The following PHF23 variants were observed in gnomAD, a reference collection of about 807,000 sequenced individuals.
PHF23 encodes the protein PDH-containing protein JUNE-1.
In PHF23, 3 loss-of-function variants were observed where a neutral mutation model predicts 36.0. The ratio of observed to expected loss-of-function variants is 0.08; its 90% confidence interval spans 0.04 to 0.22. PHF23 has a LOEUF of 0.22. Ranked by LOEUF, PHF23 falls within the 10% of genes least tolerant of loss-of-function variation. The pLI is 1.00. For synonymous variants in PHF23, 242 were observed against 192.5 expected (o/e 1.26, Z -2.13); for missense variants, 475 against 513.6 (o/e 0.92, Z 0.73).
At chr17:7,239,034 C>T in intron 1 of PHF23, 1 of 1,396,520 alleles carries the variant, frequency 7.2e-7, no homozygotes, top group Non-Finnish European at 9.5e-7. Context: ...CCCGCACCCC[C>T]ACACCGTCTG....
Position 7,239,427 on chromosome 17 carries a change from G to A in PHF23, c.-148C>T, listed in dbSNP as rs2142997322. 4.2e-6 allele frequency: 2 copies of A among 477,452 alleles called. No homozygotes were observed. The highest frequency in any genetic ancestry group is 2.0e-5 in the African/African-American group (1 of 48,820). The allele number at this position is 477,452 out of a possible 1,614,324, so 29.6% of individuals were successfully genotyped here. A position where few individuals can be genotyped will look rare whatever the true frequency, so the allele number is the denominator to read the frequency against. Reference sequence around the variant, plus strand: ...AGACTCGAGTCCGCTAGCCGCTGCCGCCACCTCCCTCTACCACTGCCTCCC... The same window carrying A: ...AGACTCGAGTCCGCTAGCCGCTGCCACCACCTCCCTCTACCACTGCCTCCC... On this transcript the variant is annotated 5_prime_UTR_variant, in exon 1 of 5. Coordinates refer to ENST00000320316, the MANE Select transcript of PHF23 (RefSeq NM_024297.3).
Position 7,236,180 on chromosome 17 carries a change from CTCT to C in PHF23, c.744_746del (p.Glu261del). The C allele has an allele frequency of 1.2e-6, 2 of 1,611,914 alleles. No individual in the cohort carries two copies. The highest frequency in any genetic ancestry group is 1.7e-6 in the Non-Finnish European group (2 of 1,178,834). On this transcript the variant is annotated inframe_deletion, in exon 4 of 5. Coordinates refer to ENST00000320316, the MANE Select transcript of PHF23 (RefSeq NM_024297.3). The surrounding 1 kb of genome is among the most constrained non-coding windows in gnomAD (Gnocchi z 5.1). ...CTTCCTCTTCCTCCTCTTCCTCCTC[CTCT>C]TCAGAGTCTGTATCACTGGGGGGTG... is the stretch of plus-strand genomic sequence containing the variant.
rs1163742390 is a variant in PHF23 at position 7,235,604 on chromosome 17, T to C, written c.*22A>G. On this transcript the variant is annotated 3_prime_UTR_variant, in exon 5 of 5. Transcript: ENST00000320316. Reference sequence around the variant, plus strand: ...CCCAAATCATGTTGTCATTTGGAAGTTCCAGGCTAAAGTTGGTGCCATCAG... The same window carrying C: ...CCCAAATCATGTTGTCATTTGGAAGCTCCAGGCTAAAGTTGGTGCCATCAG... The C allele has an allele frequency of 1.9e-6, 3 of 1,608,804 alleles. No homozygotes were observed. Among genetic ancestry groups the C allele is most frequent in the Non-Finnish European group, 2.5e-6 (3 of 1,179,210 alleles).
At chr17:7,240,717 A>G (rs1228824992), upstream of PHF23, 2 of 662,002 alleles carry the variant, frequency 3.0e-6, no homozygotes, top group African/African-American at 3.6e-5. Flanking sequence ...GGCTGGAGAG[A>G]AAGCCACAAA....
At chr17:7,237,597 C>G in intron 2 of PHF23, 32 bp downstream of exon 2, 1 of 1,613,764 alleles carries the variant, frequency 6.2e-7, no homozygotes, top group Non-Finnish European at 8.5e-7. Flanking sequence ...TCAGGCAGGG[C>G]TACTAGGCTG....
At position 7,236,933 on chromosome 17, in the gene PHF23, C is replaced by T. The variant is rs2071682152; in HGVS notation, c.160-166G>A. 6.6e-6 allele frequency among the ~76,000 whole-genome samples: 1 copy of T among 152,172 alleles called. No homozygotes were observed. Among genetic ancestry groups the T allele is most frequent in the African/African-American group, 2.4e-5 (1 of 41,426 alleles). On this transcript the variant is annotated intron_variant, in intron 3 of 4. Coordinates refer to ENST00000320316, the MANE Select transcript of PHF23 (RefSeq NM_024297.3). This position sits in a 1 kb window ranked among gnomAD's most constrained non-coding sequence, Gnocchi z 5.1. ...TTCTCCCCACCCCAATTCCCATCAGCATGTCCTCTTGACCAGTCCGTGTTA... is the reference window on the plus strand; with the variant it reads ...TTCTCCCCACCCCAATTCCCATCAGTATGTCCTCTTGACCAGTCCGTGTTA...
chr17:7,235,257 ATAG>A lies in PHF23; in HGVS notation c.*366_*368del. On this transcript the variant is annotated 3_prime_UTR_variant, in exon 5 of 5. Transcript: ENST00000320316. Reference sequence around the variant, plus strand: ...TAGAAGAAAATAAATGGGGAGTGAAATAGAAGAAAAGATGAGGGAGGGGAGTGC... The same window carrying A: ...TAGAAGAAAATAAATGGGGAGTGAAAAAGAAAAGATGAGGGAGGGGAGTGC... 12 of 271,672 alleles carry A rather than the reference ATAG, an allele frequency of 4.4e-5. No individual in the cohort carries two copies. The highest frequency in any genetic ancestry group is 1.3e-4 in the South Asian group (3 of 23,024). The allele number at this position is 271,672 out of a possible 1,614,324, so 16.8% of individuals were successfully genotyped here. A position where few individuals can be genotyped will look rare whatever the true frequency, so the allele number is the denominator to read the frequency against.
chr17:7,240,657 A>G (rs1199818874), upstream of PHF23: 2 of 562,526 alleles, frequency 3.6e-6, no homozygotes, highest in African/African-American at 3.8e-5. Flanking sequence ...GGAAGAAAGG[A>G]GAAAGGAGAG....
intron 4 of PHF23, 33 bp downstream of exon 4, chr17:7,235,897 C>T (rs1410664062): frequency 1.2e-6 from 2 of 1,612,606 alleles, no homozygotes; most frequent in Admixed American, 3.3e-5. Flanking sequence ...CCACAACACC[C>T]TCAAACCCCT....
upstream of PHF23, chr17:7,239,491 C>T (rs1268814344): frequency 1.4e-5 from 7 of 484,088 alleles, no homozygotes; most frequent in Non-Finnish European, 2.2e-5. Flanking sequence ...GCGCCGCCGG[C>T]CGCCTGCTCC....
chr17:7,237,736 C>G, intron 1 of PHF23, 76 bp from the exon 2 acceptor site: 2 of 1,529,762 alleles, frequency 1.3e-6, no homozygotes, highest in South Asian at 2.2e-5. Flanking sequence ...CCCCGTTGTT[C>G]CTAAGTGAAC....
In PHF23 at chr17:7,236,577, G is replaced by C. The variant is rs1463846816; in HGVS notation, c.350C>G (p.Ser117Cys). ...TQPGPPRSTF[S>C]RLQAPDSATL... ...AGCACTGTCGGGGGCCTGCAGACGAGAGAAAGTGGACCTTGGGGGTCCTGG... is the reference window on the plus strand; with the variant it reads ...AGCACTGTCGGGGGCCTGCAGACGACAGAAAGTGGACCTTGGGGGTCCTGG... Residue 117 changes from serine to cysteine, a missense_variant, in exon 4 of 5, where the codon TCT becomes TGT. Ser to Cys is a moderately radical substitution (Grantham distance 112, BLOSUM62 -1). Coordinates refer to ENST00000320316, the MANE Select transcript of PHF23 (RefSeq NM_024297.3). This position sits in a 1 kb window ranked among gnomAD's most constrained non-coding sequence, Gnocchi z 5.1. The C allele has an allele frequency of 5.6e-6, 9 of 1,614,090 alleles. No individual in the cohort carries two copies. The highest frequency in any genetic ancestry group is 1.1e-5 in the South Asian group (1 of 91,086).
At chr17:7,239,500 C>CCCTCCTCCT (rs1464389977), upstream of PHF23, 63 of 469,154 alleles carry the variant, frequency 1.3e-4, no homozygotes, top group South Asian at 1.3e-3. Context: ...GCCGCCTGCT[C>CCCTCCTCCT]CCTCCTCCTC....
At chr17:7,239,144 C>G in intron 1 of PHF23, 102 bp downstream of exon 1, 1 of 1,034,556 alleles carries the variant, frequency 9.7e-7, no homozygotes, top group Non-Finnish European at 1.4e-6. Context: ...ACCCCCTCCC[C>G]GAACTCCCCC....
Position 7,239,386 on chromosome 17 carries a change from CG to C in PHF23, c.-108del. 1.7e-6 allele frequency: 1 copy of C among 585,430 alleles called. No homozygotes were observed. Among genetic ancestry groups the C allele is most frequent in the Non-Finnish European group, 3.1e-6 (1 of 324,640 alleles). The allele number at this position is 585,430 out of a possible 1,614,324, so 36.3% of individuals were successfully genotyped here. A position where few individuals can be genotyped will look rare whatever the true frequency, so the allele number is the denominator to read the frequency against. The stretch of plus-strand genomic sequence containing the variant: ...CACTGCTTCGCTCCACAGAAGTGTC[CG>C]CCTCAGCCCGGTTGAGACTCGAGTC... On this transcript the variant is annotated 5_prime_UTR_variant, in exon 1 of 5. Coordinates refer to ENST00000320316, the MANE Select transcript of PHF23 (RefSeq NM_024297.3).
intron 3 of PHF23, 96 bp downstream of exon 3, chr17:7,237,289 G>A: frequency 1.8e-6 from 2 of 1,086,862 alleles, no homozygotes; most frequent in Non-Finnish European, 2.7e-6. Flanking sequence ...AATTTCTAAG[G>A]GCCTCCTTCT....
intron 1 of PHF23, chr17:7,238,780 G>C (rs1597567586): frequency 6.5e-7 from 1 of 1,530,534 alleles, no homozygotes; most frequent in East Asian, 2.5e-5. Context: ...ACAACTACCT[G>C]CCCACCTCTC....
intron 1 of PHF23, 120 bp from the exon 2 acceptor site, chr17:7,237,780 C>G (rs898367885): frequency 5.0e-6 from 6 of 1,189,888 alleles, no homozygotes; most frequent in Non-Finnish European, 7.3e-6. Context: ...GCCAGGCCAG[C>G]AGGCCCCCAG....
chr17:7,240,694 C>T, upstream of PHF23: 2 of 601,722 alleles, frequency 3.3e-6, no homozygotes, highest in Non-Finnish European at 6.0e-6. Flanking sequence ...CCACCATTAC[C>T]CCTCCTAAGA....
Sources: gnomAD v4.1 joint callset for allele counts (sites outside exome capture counted in the v4.1 genomes callset) on GRCh38, gnomAD v4.1.1 for gene constraint, Gnocchi (gnomAD v3.1) non-coding constraint, MANE v1.5 for transcripts, NCBI Gene and HGNC (gene_info 2026-07-23, HGNC 2026-07-21) for gene names.